Variants in DIAPH2 observed in about 807,000 individuals in gnomAD.
DIAPH2 encodes diaphanous related formin 2, also known as protein diaphanous homolog 2.
Under a neutral mutation model 92.7 loss-of-function variants are expected in DIAPH2, and 35 were observed. That is an observed-to-expected ratio of 0.38 (90% confidence interval 0.29 to 0.50). The LOEUF is 0.50. DIAPH2 is among the 20% of genes least tolerant of loss of function. The probability of loss-of-function intolerance (pLI) is 0.94; values close to 1 mark genes in which losing one functional copy is unlikely to be tolerated. For synonymous variants in DIAPH2, 301 were observed against 280.4 expected (o/e 1.07, Z -0.73); for missense variants, 701 against 819.5 (o/e 0.86, Z 1.77).
intron 26 of DIAPH2, among the ~76,000 whole-genome samples, chrX:97,556,967 A>C (rs1281854412): frequency 4.5e-5 from 5 of 112,254 alleles, no homozygotes; most frequent in South Asian, 3.7e-4. Context: ...AGGAAGCCCA[A>C]AATGTTTCAC....
chrX:97,256,734 G>C (rs891281769), intron 23 of DIAPH2, among the ~76,000 whole-genome samples: 1 of 111,219 alleles, frequency 9.0e-6, no homozygotes, highest in Non-Finnish European at 1.9e-5. Flanking sequence ...GCGCCATCTC[G>C]GCTCACTGCA....
chrX:97,480,562 C>A (rs1465771157), intron 26 of DIAPH2, among the ~76,000 whole-genome samples: 1 of 111,602 alleles, frequency 9.0e-6, no homozygotes, highest in African/African-American at 3.3e-5. Flanking sequence ...TAGCTTGCAA[C>A]TACCGTAGGA....
chrX:97,244,975 G>C (rs1240645228), intron 22 of DIAPH2, among the ~76,000 whole-genome samples: 1 of 110,483 alleles, frequency 9.1e-6, no homozygotes, highest in Admixed American at 9.7e-5. Context: ...TGTAGTCCCA[G>C]CTACTTGGGA....
intron 23 of DIAPH2, among the ~76,000 whole-genome samples, chrX:97,287,075 A>C (rs1038901611): frequency 1.8e-5 from 2 of 111,947 alleles, no homozygotes; most frequent in East Asian, 5.6e-4. Context: ...AACAAAGGGA[A>C]TATGAGAATT....
intron 4 of DIAPH2, among the ~76,000 whole-genome samples, chrX:96,837,340 T>C (rs928392939): frequency 9.2e-5 from 10 of 109,036 alleles, no homozygotes; most frequent in African/African-American, 3.4e-4. Context: ...CGCTGATAAG[T>C]GGCTTTCTCT....
At chrX:97,107,681 C>T (rs186787787) in intron 20 of DIAPH2, among the ~76,000 whole-genome samples, 1 of 111,909 alleles carries the variant, frequency 8.9e-6, no homozygotes, top group South Asian at 3.8e-4. Flanking sequence ...CATGATCATT[C>T]TTTTTGTTAT....
At position 96,796,534 on chromosome X, in the gene DIAPH2, C is replaced by G. The variant is rs1409727679; in HGVS notation, c.447+38276C>G. Among the ~76,000 whole-genome samples the G allele has an allele frequency of 2.7e-5, 3 of 111,602 alleles. No homozygotes were observed. The East Asian group carries it at 8.4e-4, about 31-fold the overall frequency. On this transcript the variant is annotated intron_variant, in intron 4 of 26. Transcript: ENST00000324765. ...TGTTCCTTTAACTCTTTTTTTGCCACATTTGGATTGTGTGTCATTTTAACT... is the reference window on the plus strand; with the variant it reads ...TGTTCCTTTAACTCTTTTTTTGCCAGATTTGGATTGTGTGTCATTTTAACT...
chrX:97,188,777 A>T (rs2067627681), intron 22 of DIAPH2, among the ~76,000 whole-genome samples: 1 of 112,409 alleles, frequency 8.9e-6, no homozygotes, highest in East Asian at 2.8e-4. Context: ...ATATGTGCAG[A>T]CTTTTAAAAA....
At chrX:97,130,083 C>A (rs1230807543) in intron 21 of DIAPH2, among the ~76,000 whole-genome samples, 1 of 112,095 alleles carries the variant, frequency 8.9e-6, no homozygotes, top group African/African-American at 3.2e-5. Flanking sequence ...ACTATAATGG[C>A]TACTATCAAG....
intron 21 of DIAPH2, among the ~76,000 whole-genome samples, chrX:97,134,085 C>T (rs1165474190): frequency 9.0e-6 from 1 of 111,646 alleles, no homozygotes; most frequent in African/African-American, 3.3e-5. Flanking sequence ...ACAAGACATA[C>T]TATAGCAGCA....
chrX:97,237,682 C>T (rs1039810895), intron 22 of DIAPH2, among the ~76,000 whole-genome samples: 9 of 110,372 alleles, frequency 8.2e-5, no homozygotes, highest in East Asian at 5.6e-4. Context: ...CCCGGGTTCG[C>T]GCCATTCTCT....
intron 4 of DIAPH2, among the ~76,000 whole-genome samples, chrX:96,838,067 G>A (rs1425581747): frequency 8.9e-6 from 1 of 111,823 alleles, no homozygotes; most frequent in East Asian, 2.8e-4. Flanking sequence ...CTCAGGTTGT[G>A]TTTGTCTTGA....
At chrX:96,760,803 G>A (rs750766865) in intron 4 of DIAPH2, among the ~76,000 whole-genome samples, 61 of 110,956 alleles carry the variant, frequency 5.5e-4, no homozygotes, top group Middle Eastern at 9.2e-3. Flanking sequence ...TTTTCTTCTC[G>A]AAGTCCCATA....
At chrX:97,334,954 C>T (rs1254110774) in intron 23 of DIAPH2, among the ~76,000 whole-genome samples, 15 of 85,516 alleles carry the variant, frequency 1.8e-4, no homozygotes, top group Admixed American at 1.4e-3. Context: ...GCACTCCAGC[C>T]GAGGCGACAG....
In DIAPH2 at chrX:97,494,687, T is replaced by A. The variant is rs752576699; in HGVS notation, c.3241+64942T>A. 1.1e-4 allele frequency among the ~76,000 whole-genome samples: 12 copies of A among 112,288 alleles called. 1 individual carries two copies. On this transcript the variant is annotated intron_variant, in intron 26 of 26. Transcript: ENST00000324765. ...AGATTCTAGGAGCCTCTCAAACCTT[T>A]TCTATGAATGTGTCTTCTCTGGATT...
chrX:96,912,218 C>A (rs906721199), intron 5 of DIAPH2, 110 bp from the exon 6 acceptor site: 5 of 617,893 alleles, frequency 8.1e-6, no homozygotes, highest in Non-Finnish European at 1.3e-5. Context: ...TAATGACAAG[C>A]AATATTGAGA....
intron 10 of DIAPH2, among the ~76,000 whole-genome samples, chrX:96,936,668 T>C (rs979079501): frequency 4.5e-5 from 5 of 111,862 alleles, no homozygotes; most frequent in Non-Finnish European, 7.5e-5. Context: ...AGCAAAAATA[T>C]AAGGTGGGGG....
chrX:97,060,577 C>A (rs937325981), intron 17 of DIAPH2, among the ~76,000 whole-genome samples: 1 of 111,563 alleles, frequency 9.0e-6, no homozygotes, highest in Non-Finnish European at 1.9e-5. Flanking sequence ...TTTTGCTTTG[C>A]CTTCAGATTT....
At chrX:97,218,831 A>T (rs1602425684) in intron 22 of DIAPH2, among the ~76,000 whole-genome samples, 1 of 111,872 alleles carries the variant, frequency 8.9e-6, no homozygotes, top group Non-Finnish European at 1.9e-5. Context: ...ATTGAGTTTT[A>T]AAAATGTGTA....
Sources: allele counts gnomAD v4.1 joint callset (sites outside exome capture counted in the v4.1 genomes callset), GRCh38; gene constraint gnomAD v4.1.1; transcripts MANE v1.5; gene names NCBI Gene and HGNC (gene_info 2026-07-23, HGNC 2026-07-21).